The following VPS53 variants were observed in gnomAD, a reference collection of about 807,000 sequenced individuals.
VPS53 encodes vacuolar protein sorting-associated protein 53 homolog.
Under a neutral mutation model 107.0 loss-of-function variants are expected in VPS53, and 70 were observed. The observed-to-expected ratio is 0.65, with a 90% CI of 0.54 to 0.80. The LOEUF (loss-of-function observed/expected upper bound fraction) is 0.80. Among genes scored for constraint, VPS53 ranks in the 30% least tolerant of loss-of-function variants. The probability of loss-of-function intolerance (pLI) is 0.00; values close to 1 mark genes in which losing one functional copy is unlikely to be tolerated. For missense variants in VPS53, 917 were observed against 1,049.4 expected (o/e 0.87, Z 1.74); for synonymous variants, 409 against 393.3 (o/e 1.04, Z -0.47).
At chr17:681,254 A>G (rs1972382977) in intron 4 of VPS53, among the ~76,000 whole-genome samples, 1 of 152,154 alleles carries the variant, frequency 6.6e-6, no homozygotes, top group African/African-American at 2.4e-5. Context: ...CTTCTGCCTC[A>G]GCCTCCCGAG....
chr17:697,352 T>G, intron 4 of VPS53, 66 bp downstream of exon 4: 3 of 1,347,688 alleles, frequency 2.2e-6, no homozygotes, highest in Non-Finnish European at 3.2e-6. Context: ...ACATCGACGT[T>G]TTGGTCATCT....
chr17:698,590 C>G (rs1171643300), intron 3 of VPS53, among the ~76,000 whole-genome samples: 1 of 151,906 alleles, frequency 6.6e-6, no homozygotes, highest in African/African-American at 2.4e-5. Flanking sequence ...GTAGTCCCAG[C>G]TACTCAGGAG....
At position 627,298 on chromosome 17, in the gene VPS53, T is replaced by G. The variant is rs1969755843; in HGVS notation, c.850A>C (p.Ile284Leu). The change falls in exon 10 of 22, where the codon ATC becomes CTC. Residue 284 changes from isoleucine to leucine, a missense_variant. Coordinates refer to ENST00000437048, the MANE Select transcript of VPS53 (RefSeq NM_001128159.3). ...TTTATCCAGGCATAGCGTCTGTCGATTTTGTCCAGCCAGGCAACCTGGTGA... is the reference window on the plus strand; with the variant it reads ...TTTATCCAGGCATAGCGTCTGTCGAGTTTGTCCAGCCAGGCAACCTGGTGA... ...ENQDVAWLDKIDRRYAWIKRQ... is the reference protein window; with the variant it reads ...ENQDVAWLDKLDRRYAWIKRQ... 6.2e-7 allele frequency: 1 copy of G among 1,613,462 alleles called. No individual in the cohort carries two copies.
At chr17:538,859 G>A (rs1172843592) in intron 17 of VPS53, 1 of 152,194 alleles carries the variant, frequency 6.6e-6, no homozygotes, top group Non-Finnish European at 1.5e-5. Context: ...CTAATGCTTT[G>A]GTTATGTGAA....
intron 13 of VPS53, among the ~76,000 whole-genome samples, chr17:572,811 A>G (rs1914289837): frequency 6.7e-6 from 1 of 149,876 alleles, no homozygotes; most frequent in Non-Finnish European, 1.5e-5. Context: ...GTGCTTTGTT[A>G]AACAGATGCT....
intron 11 of VPS53, among the ~76,000 whole-genome samples, chr17:615,042 C>T (rs1377186946): frequency 6.6e-6 from 1 of 152,220 alleles, no homozygotes; most frequent in African/African-American, 2.4e-5. Flanking sequence ...GGCTGAATGT[C>T]ATTTGCTCAC....
intron 4 of VPS53, among the ~76,000 whole-genome samples, chr17:697,061 C>T (rs1022843442): frequency 2.0e-5 from 3 of 152,210 alleles, no homozygotes; most frequent in African/African-American, 7.2e-5. Context: ...CTATCTTTTA[C>T]AGCCACAAAA....
At position 697,411 on chromosome 17, in the gene VPS53, T is replaced by A; in HGVS notation, c.285+7A>T. ...GCATAGGTAATATGGAGGAATGAGT[T>A]ACTTACTTGCCGTCCATCCTGCCCC... is the stretch of plus-strand genomic sequence containing the variant. On this transcript the variant is annotated splice_region_variant and intron_variant, in intron 4 of 21. Transcript: ENST00000437048. 3.7e-6 allele frequency: 6 copies of A among 1,612,512 alleles called. No homozygotes were observed. Among genetic ancestry groups the A allele is most frequent in the Non-Finnish European group, 5.1e-6 (6 of 1,178,510 alleles).
intron 5 of VPS53, 71 bp from the exon 6 acceptor site, chr17:656,024 C>T: frequency 7.9e-7 from 1 of 1,263,098 alleles, no homozygotes; most frequent in South Asian, 1.3e-5. Context: ...CTGCAAGTAG[C>T]TCTGTAAGAA....
intron 11 of VPS53, among the ~76,000 whole-genome samples, chr17:618,635 G>C (rs1001514274): frequency 1.3e-5 from 2 of 149,838 alleles, no homozygotes; most frequent in South Asian, 4.2e-4. Flanking sequence ...CGGGTAGCTG[G>C]GACTACAGGT....
At chr17:568,672 C>A (rs1287429301) in intron 13 of VPS53, among the ~76,000 whole-genome samples, 1 of 152,146 alleles carries the variant, frequency 6.6e-6, no homozygotes, top group Non-Finnish European at 1.5e-5. Flanking sequence ...GGCTTGAGCA[C>A]AGCTGGGAGA....
Position 513,602 on chromosome 17 carries a change from TCTGAGTGCTC to T in VPS53, c.*5516_*5525del, listed in dbSNP as rs1908085788. The T allele has an allele frequency of 6.6e-6, 1 of 151,194 alleles. No individual in the cohort carries two copies. The highest frequency in any genetic ancestry group is 2.5e-5 in the African/African-American group (1 of 40,438). The allele number at this position is 151,194 out of a possible 1,614,324, so 9.4% of individuals were successfully genotyped here. On this transcript the variant is annotated 3_prime_UTR_variant, in exon 22 of 22. Transcript: ENST00000437048. ...TGTCACCCTCAAGCAGGCAGGTTGT[TCTGAGTGCTC>T]TTCCTAGCGAAGGAATCCCATTTCC...
At chr17:587,255 G>T (rs1967369023) in intron 12 of VPS53, among the ~76,000 whole-genome samples, 1 of 152,132 alleles carries the variant, frequency 6.6e-6, no homozygotes, top group South Asian at 2.1e-4. Flanking sequence ...TAGAGGTGGG[G>T]TTTTGCCATG....
chr17:656,454 C>T lies in VPS53; in HGVS notation c.373-501G>A, dbSNP rs146788899. 1.7e-3 allele frequency among the ~76,000 whole-genome samples: 255 copies of T among 152,246 alleles called. 1 individual carries two copies. The highest frequency in any genetic ancestry group is 3.6e-3 in the Admixed American group (55 of 15,302). ...ATTGAAATATAAGCTCTGTAACATA[C>T]GCTTAACATGTAAGTTACTAGGAGG... On this transcript the variant is annotated intron_variant, in intron 5 of 21. Transcript: ENST00000437048.
intron 17 of VPS53, among the ~76,000 whole-genome samples, chr17:544,024 AGGG>A (rs1910973713): frequency 1.3e-5 from 1 of 75,400 alleles, no homozygotes; most frequent in East Asian, 5.7e-4. Context: ...TGAGGAAGGC[AGGG>A]AGGGAGGGAG....
chr17:573,932 G>A (rs906137009), intron 13 of VPS53, among the ~76,000 whole-genome samples: 1 of 152,204 alleles, frequency 6.6e-6, no homozygotes, highest in Non-Finnish European at 1.5e-5. Flanking sequence ...ATTCTTTGAA[G>A]GGAAGAAGCA....
rs373721020 is a variant in VPS53, at chr17:521,658, G to A, written c.2166C>T (p.Pro722=). The stretch of plus-strand genomic sequence containing the variant: ...TGACAACGATCTTGGTGTAGCTGGC[G>A]GGTGCCTTCCTCACCACCTGCGAGC... ...SISSQVVRKA[P]ASYTKIVVKG... Residue 722 remains proline (P), a synonymous_variant, in exon 20 of 22, where the codon CCC becomes CCT. Transcript: ENST00000437048. The A allele has an allele frequency of 1.2e-4, 193 of 1,551,068 alleles. No homozygotes were observed. Among genetic ancestry groups the A allele is most frequent in the Non-Finnish European group, 1.6e-4 (182 of 1,146,608 alleles).
At chr17:638,398 G>C (rs1397967035) in intron 7 of VPS53, among the ~76,000 whole-genome samples, 1 of 152,178 alleles carries the variant, frequency 6.6e-6, no homozygotes, top group East Asian at 1.9e-4. Flanking sequence ...TTTAATTGGA[G>C]CATTTAGCCC....
rs764709585 is a variant in VPS53 at position 520,023 on chromosome 17, C to T, written c.2224-93G>A. ...GCCCTCAAGAAAACTCACTACCCAC[C>T]GCAGGAGGAGACGGGAGCGGGCCCT... On this transcript the variant is annotated intron_variant, in intron 20 of 21. Coordinates refer to ENST00000437048, the MANE Select transcript of VPS53 (RefSeq NM_001128159.3). The surrounding 1 kb of genome is among the most constrained non-coding windows in gnomAD (Gnocchi z 4.4). The T allele has an allele frequency of 3.7e-5, 31 of 840,910 alleles. No individual in the cohort carries two copies. The highest frequency in any genetic ancestry group is 1.5e-4 in the African/African-American group (9 of 58,722). The allele number at this position is 840,910 out of a possible 1,614,324, so 52.1% of individuals were successfully genotyped here.
Sources: gnomAD v4.1 joint callset for allele counts (sites outside exome capture counted in the v4.1 genomes callset) on GRCh38, gnomAD v4.1.1 for gene constraint, Gnocchi (gnomAD v3.1) non-coding constraint, MANE v1.5 for transcripts, NCBI Gene and HGNC (gene_info 2026-07-23, HGNC 2026-07-21) for gene names.